SPOCK3: variants seen among roughly 807,000 people sequenced by gnomAD.
SPOCK3 encodes the protein SPARC (osteonectin), cwcv and kazal like domains proteoglycan 3.
Under a neutral mutation model 56.6 loss-of-function variants are expected in SPOCK3, and 30 were observed. That is an observed-to-expected ratio of 0.53 (90% confidence interval 0.40 to 0.72). SPOCK3 has a LOEUF of 0.72. Among genes scored for constraint, SPOCK3 ranks in the 30% least tolerant of loss-of-function variants. SPOCK3 has a pLI of 0.00. For synonymous variants in SPOCK3, 196 were observed against 183.3 expected, an observed-to-expected ratio of 1.07 and a Z score of -0.56; for missense variants, 527 against 530.0, an observed-to-expected ratio of 0.99 and a Z score of 0.06.
intron 5 of SPOCK3, among the ~76,000 whole-genome samples, chr4:166,897,859 G>A (rs1195883371): frequency 6.6e-6 from 1 of 152,084 alleles, no homozygotes; most frequent in African/African-American, 2.4e-5. Context: ...ATGAACAAGG[G>A]TAGTGAAAGG....
chr4:166,820,105 T>C (rs1456544238), intron 6 of SPOCK3, among the ~76,000 whole-genome samples: 1 of 151,898 alleles, frequency 6.6e-6, no homozygotes, highest in East Asian at 1.9e-4. Context: ...CTCAGGAGAG[T>C]CTTTTTCGGA....
At chr4:167,168,937 A>G (rs981281077) in intron 2 of SPOCK3, among the ~76,000 whole-genome samples, 1 of 152,166 alleles carries the variant, frequency 6.6e-6, no homozygotes, top group African/African-American at 2.4e-5. Flanking sequence ...TATGGCTAAA[A>G]GGATCCAAGG....
intron 7 of SPOCK3, among the ~76,000 whole-genome samples, chr4:166,763,329 G>C (rs1228226261): frequency 6.6e-6 from 1 of 151,858 alleles, no homozygotes; most frequent in African/African-American, 2.4e-5. Flanking sequence ...TAAGCTAAAA[G>C]AAAGACCTTC....
intron 7 of SPOCK3, among the ~76,000 whole-genome samples, chr4:166,772,879 C>T (rs6822872): frequency 2.0e-5 from 3 of 151,934 alleles, no homozygotes; most frequent in East Asian, 3.9e-4. Context: ...CAGCCTCAAC[C>T]TCCTGAGCTC....
rs533472192 is a variant in SPOCK3 at position 166,947,312 on chromosome 4, T to C, written c.351-34569A>G. ...AGTTTAACATACTGAGTGTATCACC[T>C]TTTCTAATACTGCACACAGATTTTC... On this transcript the variant is annotated intron_variant, in intron 4 of 10. Coordinates refer to ENST00000357545, the MANE Select transcript of SPOCK3 (RefSeq NM_001040159.2). 2.4e-4 allele frequency among the ~76,000 whole-genome samples: 37 copies of C among 152,312 alleles called. No individual in the cohort carries two copies. In the South Asian group the frequency reaches 7.4e-3, roughly 31 times the overall value.
intron 6 of SPOCK3, among the ~76,000 whole-genome samples, chr4:166,798,264 A>G (rs541252104): frequency 1.6e-4 from 24 of 152,358 alleles, no homozygotes; most frequent in African/African-American, 5.8e-4. Context: ...TTAAGCCCAC[A>G]GAAGCCTCAC....
At chr4:167,166,727 C>G (rs143504945) in intron 2 of SPOCK3, among the ~76,000 whole-genome samples, 318 of 152,152 alleles carry the variant, frequency 2.1e-3, no homozygotes, top group African/African-American at 7.0e-3. Flanking sequence ...GAGAATAGCA[C>G]TTTACATATT....
In SPOCK3 at chr4:166,896,031, G is replaced by T. The variant is rs1250547299; in HGVS notation, c.475-6787C>A. Among the ~76,000 whole-genome samples the T allele has an allele frequency of 2.0e-5, 3 of 152,056 alleles. No individual in the cohort carries two copies. In the East Asian group the frequency reaches 5.8e-4, roughly 29 times the overall value. ...GATCACACATTTGGGAAGAAGTCCT[G>T]GCAATGGTGGCATAGCGAAGAGGAA... On this transcript the variant is annotated intron_variant, in intron 5 of 10. Coordinates refer to ENST00000357545, the MANE Select transcript of SPOCK3 (RefSeq NM_001040159.2).
chr4:166,838,910 C>T (rs572773089), intron 6 of SPOCK3, among the ~76,000 whole-genome samples: 66 of 150,626 alleles, frequency 4.4e-4, no homozygotes, highest in African/African-American at 1.4e-3. Flanking sequence ...TGCAGTGAGC[C>T]GAGATTGTGC....
chr4:167,142,875 A>G (rs1174361251), intron 2 of SPOCK3, among the ~76,000 whole-genome samples: 3 of 151,970 alleles, frequency 2.0e-5, no homozygotes, highest in Non-Finnish European at 4.4e-5. Context: ...AAATTGGAGG[A>G]TGGAGCAAGG....
At chr4:167,118,917 G>A (rs897671780) in intron 2 of SPOCK3, among the ~76,000 whole-genome samples, 1 of 151,900 alleles carries the variant, frequency 6.6e-6, no homozygotes, top group African/African-American at 2.4e-5. Context: ...ACTATTATCC[G>A]CTGCTGGTTT....
intron 4 of SPOCK3, among the ~76,000 whole-genome samples, chr4:166,981,054 T>G (rs1214441620): frequency 1.3e-5 from 2 of 152,184 alleles, no homozygotes; most frequent in Non-Finnish European, 2.9e-5. Flanking sequence ...AGAGAAGAGC[T>G]TTATTGAGCA....
intron 5 of SPOCK3, among the ~76,000 whole-genome samples, chr4:166,899,705 T>C (rs1460116044): frequency 6.6e-6 from 1 of 151,792 alleles, no homozygotes; most frequent in Non-Finnish European, 1.5e-5. Flanking sequence ...TTAGTACAGA[T>C]GGGGTTTCAC....
chr4:166,765,416 T>C (rs1159136217), intron 7 of SPOCK3, among the ~76,000 whole-genome samples: 2 of 152,332 alleles, frequency 1.3e-5, no homozygotes, highest in African/African-American at 4.8e-5. Flanking sequence ...GCTAGCCAGT[T>C]TTCCCAGCAC....
chr4:166,973,807 A>C (rs1350135312), intron 4 of SPOCK3, among the ~76,000 whole-genome samples: 2 of 152,198 alleles, frequency 1.3e-5, no homozygotes, highest in Non-Finnish European at 2.9e-5. Flanking sequence ...CCTCAATGGA[A>C]ATGCAAGTTA....
chr4:167,115,537 G>C (rs1401512022), intron 2 of SPOCK3, among the ~76,000 whole-genome samples: 2 of 151,952 alleles, frequency 1.3e-5, no homozygotes, highest in African/African-American at 4.8e-5. Flanking sequence ...TAATTGTTGA[G>C]GTATTTTTAA....
chr4:167,224,382 G>T (rs1736380932), intron 2 of SPOCK3, among the ~76,000 whole-genome samples: 4 of 151,996 alleles, frequency 2.6e-5, no homozygotes, highest in Non-Finnish European at 5.9e-5. Flanking sequence ...ATAAAGATGT[G>T]GGATATTTTA....
intron 4 of SPOCK3, among the ~76,000 whole-genome samples, chr4:166,938,310 T>C (rs1396299083): frequency 6.6e-6 from 1 of 152,162 alleles, no homozygotes; most frequent in Non-Finnish European, 1.5e-5. Flanking sequence ...TGATGTAATT[T>C]TGCCATTGAT....
chr4:166,734,912 T>A lies in SPOCK3; in HGVS notation c.*9A>T. 2 of 1,503,686 alleles carry A rather than the reference T, an allele frequency of 1.3e-6. No homozygotes were observed. The highest frequency in any genetic ancestry group is 1.8e-6 in the Non-Finnish European group (2 of 1,104,374). 93.1% of individuals were successfully genotyped at this position (1,503,686 alleles called of 1,614,324 possible). On this transcript the variant is annotated 3_prime_UTR_variant, in exon 11 of 11. Coordinates refer to ENST00000357545, the MANE Select transcript of SPOCK3 (RefSeq NM_001040159.2). ...AAATGTAGAATTTATTGATTTCAAC[T>A]GTCATCAATCAAATGTATACATCAT...
Sources: gnomAD v4.1 joint callset for allele counts (sites outside exome capture counted in the v4.1 genomes callset) on GRCh38, gnomAD v4.1.1 for gene constraint, MANE v1.5 for transcripts, NCBI Gene and HGNC (gene_info 2026-07-23, HGNC 2026-07-21) for gene names.